Variants in RAPGEF1 observed in about 807,000 individuals in gnomAD.
RAPGEF1 encodes the protein Rap guanine nucleotide exchange factor 1.
RAPGEF1 carries 33 observed loss-of-function variants against 143.3 expected under a neutral mutation model. The ratio of observed to expected loss-of-function variants is 0.23; its 90% CI spans 0.17 to 0.31. RAPGEF1 has a LOEUF of 0.31. RAPGEF1 is among the 10% of genes least tolerant of loss of function. RAPGEF1 has a pLI of 1.00. For synonymous variants in RAPGEF1, 629 were observed against 676.5 expected (o/e 0.93, Z 1.09); for missense variants, 1,199 against 1,645.4 (o/e 0.73, Z 4.69).
In RAPGEF1 at chr9:131,587,830, T is replaced by C; in HGVS notation, c.3139A>G (p.Ile1047Val). ...LDAELFYKIEIPEVLLWAKEQ... is the reference protein window; with the variant it reads ...LDAELFYKIEVPEVLLWAKEQ... ...TTTGCCCAAAGCAAAACCTCAGGAA[T>C]CTACAAAAGGAAAGAAGGCAGATGG... Residue 1047 changes from isoleucine to valine, a missense_variant and splice_region_variant, in exon 22 of 27, where the codon ATT (isoleucine) becomes GTT (valine). By Grantham distance (29) the Ile-to-Val change is conservative (BLOSUM62 3). Around this residue, in one of 6 missense-constraint regions of RAPGEF1, gnomAD observed 209 missense variants for 403.0 expected, o/e 0.52. Coordinates refer to ENST00000683357, the MANE Select transcript of RAPGEF1 (RefSeq NM_001377935.1). 1 of 1,613,420 alleles carries C rather than the reference T, an allele frequency of 6.2e-7. No individual in the cohort carries two copies. Among genetic ancestry groups the C allele is most frequent in the South Asian group, 1.1e-5 (1 of 90,930 alleles).
In RAPGEF1 at chr9:131,709,817, C is replaced by T. The variant is rs1448515311; in HGVS notation, c.61+29953G>A. 2.1e-5 allele frequency: 31 copies of T among 1,473,296 alleles called. No individual in the cohort carries two copies. The Admixed American group carries it at 6.5e-4, about 31-fold the overall frequency. 91.3% of individuals were successfully genotyped at this position (1,473,296 alleles called of 1,614,324 possible). A position where few individuals can be genotyped will look rare whatever the true frequency, so the allele number is the denominator to read the frequency against. ...CACCCAGCGGCAGAACCCAGGCAGC[C>T]TCACAAGGGAAGCCTGAGGAATCTC... On this transcript the variant is annotated intron_variant, in intron 1 of 26. Transcript: ENST00000683357.
At chr9:131,607,471 CG>C (rs1397891595) in intron 12 of RAPGEF1, among the ~76,000 whole-genome samples, 1 of 152,124 alleles carries the variant, frequency 6.6e-6, no homozygotes, top group Non-Finnish European at 1.5e-5. Context: ...GGTTTTCCAT[CG>C]ATCTCTGGAG....
At chr9:131,660,500 G>A (rs887611522) in intron 1 of RAPGEF1, among the ~76,000 whole-genome samples, 1 of 151,052 alleles carries the variant, frequency 6.6e-6, no homozygotes, top group Non-Finnish European at 1.5e-5. Flanking sequence ...TGCAGTTAAT[G>A]GCTGCATGAT....
intron 5 of RAPGEF1, among the ~76,000 whole-genome samples, chr9:131,634,149 AGG>A (rs1965695145): frequency 6.6e-6 from 1 of 152,072 alleles, no homozygotes; most frequent in African/African-American, 2.4e-5. Context: ...GCTACTCCGG[AGG>A]CTGAGGCTGG....
intron 13 of RAPGEF1, 134 bp downstream of exon 13, chr9:131,604,797 G>A (rs1956831949): frequency 2.6e-6 from 3 of 1,170,128 alleles, no homozygotes; most frequent in Non-Finnish European, 2.2e-6. Context: ...GGTGTGCGCT[G>A]GCAGCCCCCA....
chr9:131,675,912 CT>C lies in RAPGEF1; in HGVS notation c.62-24964del, dbSNP rs140589180. Among the ~76,000 whole-genome samples, 2,152 of 144,110 alleles carry C rather than the reference CT, an allele frequency of 0.015. 19 individuals are homozygous for C. Among genetic ancestry groups the C allele is most frequent in the Non-Finnish European group, 0.017 (1,131 of 65,304 alleles). The allele number at this position is 144,110 out of a possible 152,430, so 94.5% of individuals were successfully genotyped here. A position where few individuals can be genotyped will look rare whatever the true frequency, so the allele number is the denominator to read the frequency against. On this transcript the variant is annotated intron_variant, in intron 1 of 26. Coordinates refer to ENST00000683357, the MANE Select transcript of RAPGEF1 (RefSeq NM_001377935.1). The surrounding 1 kb of genome is among the most constrained non-coding windows in gnomAD (Gnocchi z 4.6). ...CTGCTCAGTTTGACAAAAACTCAGT[CT>C]TTTTTTTTTTTTTAATCTCGCCCTG...
intron 1 of RAPGEF1, among the ~76,000 whole-genome samples, chr9:131,661,976 T>C: frequency 6.6e-6 from 1 of 152,356 alleles, no homozygotes; most frequent in East Asian, 1.9e-4. Context: ...ATAAATACAA[T>C]TGAATCTTAT....
At position 131,587,844 on chromosome 9, in the gene RAPGEF1, G is replaced by C. The variant is rs1953428876; in HGVS notation, c.3139-14C>G. ...AACCTCAGGAATCTACAAAAGGAAA[G>C]AAGGCAGATGGAGGTGGAGCCCCGG... On this transcript the variant is annotated splice_polypyrimidine_tract_variant and intron_variant, in intron 21 of 26. Transcript: ENST00000683357. The C allele has an allele frequency of 1.2e-6, 2 of 1,612,010 alleles. No individual in the cohort carries two copies. The highest frequency in any genetic ancestry group is 1.7e-6 in the Non-Finnish European group (2 of 1,178,886).
At chr9:131,666,445 G>A (rs1190829770) in intron 1 of RAPGEF1, among the ~76,000 whole-genome samples, 1 of 151,826 alleles carries the variant, frequency 6.6e-6, no homozygotes, top group African/African-American at 2.4e-5. Context: ...GGAGTGCAGT[G>A]GCAAGATCTC....
chr9:131,592,077 T>C, intron 18 of RAPGEF1, 22 bp downstream of exon 18: 3 of 1,577,262 alleles, frequency 1.9e-6, no homozygotes, highest in Non-Finnish European at 2.6e-6. Flanking sequence ...GCAGGGGCCC[T>C]GGGTCAGGAA....
chr9:131,634,901 C>T (rs773051140), intron 5 of RAPGEF1, among the ~76,000 whole-genome samples: 9 of 152,004 alleles, frequency 5.9e-5, no homozygotes, highest in Non-Finnish European at 1.0e-4. Flanking sequence ...TCGAGTGGCT[C>T]GGCCCCCCAG....
Position 131,703,141 on chromosome 9 carries a change from C to T in RAPGEF1, c.61+36629G>A, listed in dbSNP as rs1053730455. Among the ~76,000 whole-genome samples, 8 of 152,130 alleles carry T rather than the reference C, an allele frequency of 5.3e-5. No homozygotes were observed. The East Asian group carries it at 1.2e-3, about 22-fold the overall frequency. On this transcript the variant is annotated intron_variant, in intron 1 of 26. Transcript: ENST00000683357. ...TGAGTCATCACCATGCCACTGCATGCGTGCCACCACGCCCAGTTAATTTTA... is the reference window on the plus strand; with the variant it reads ...TGAGTCATCACCATGCCACTGCATGTGTGCCACCACGCCCAGTTAATTTTA...
Position 131,638,791 on chromosome 9 carries a change from G to A in RAPGEF1, c.495C>T (p.Ser165=). The A allele has an allele frequency of 1.2e-6, 2 of 1,613,716 alleles. No individual in the cohort carries two copies. The highest frequency in any genetic ancestry group is 1.7e-6 in the Non-Finnish European group (2 of 1,179,740). The part of the protein sequence containing the change: ...LVQNDPRIQH[S]SALSSCYSRV... ...GGCTATAGCAGGAAGAGAGGGCTGAGCTACAGGGAAGAGAAGAATGGAAAA... is the reference window on the plus strand; with the variant it reads ...GGCTATAGCAGGAAGAGAGGGCTGAACTACAGGGAAGAGAAGAATGGAAAA... Residue 165 remains serine, a splice_region_variant and synonymous_variant, in exon 5 of 27, where the codon AGC becomes AGT. Transcript: ENST00000683357.
At chr9:131,733,819 A>C (rs1837246909) in intron 1 of RAPGEF1, among the ~76,000 whole-genome samples, 1 of 152,144 alleles carries the variant, frequency 6.6e-6, no homozygotes, top group African/African-American at 2.4e-5. Context: ...AATCCGGGCT[A>C]CTTTGGGAGA....
In RAPGEF1 at chr9:131,592,158, G is replaced by A. The variant is rs1166105069; in HGVS notation, c.2715C>T (p.Phe905=). ...AGATGAAGGTCCTGTAGGTGGTCAG[G>A]AATGCCTCGCAGTACAACACCAAAT... ...RKDLVLYCEA[F]LTTYRTFISP... The change falls in exon 18 of 27, where the codon TTC becomes TTT. Residue 905 remains phenylalanine (F), a synonymous_variant. Transcript: ENST00000683357. 3 of 1,609,892 alleles carry A rather than the reference G, an allele frequency of 1.9e-6. No individual in the cohort carries two copies. In the African/African-American group the frequency reaches 4.1e-5, roughly 22 times the overall value.
At chr9:131,713,636 G>T (rs1835662658) in intron 1 of RAPGEF1, among the ~76,000 whole-genome samples, 1 of 152,040 alleles carries the variant, frequency 6.6e-6, no homozygotes, top group South Asian at 2.1e-4. Flanking sequence ...CTACTTCATG[G>T]GTAGTTTAAA....
intron 5 of RAPGEF1, among the ~76,000 whole-genome samples, chr9:131,632,370 G>A (rs1464278977): frequency 6.8e-6 from 1 of 147,530 alleles, no homozygotes; most frequent in Non-Finnish European, 1.5e-5. Flanking sequence ...CTCGTGATCC[G>A]CCCGCCTCGG....
chr9:131,608,188 A>C (rs1487880127), intron 12 of RAPGEF1, among the ~76,000 whole-genome samples: 1 of 152,232 alleles, frequency 6.6e-6, no homozygotes, highest in African/African-American at 2.4e-5. Context: ...CGCGAGACGC[A>C]GAGCGCTGCG....
At chr9:131,596,805 A>G (rs1362133484) in intron 16 of RAPGEF1, among the ~76,000 whole-genome samples, 4 of 152,160 alleles carry the variant, frequency 2.6e-5, no homozygotes, top group African/African-American at 9.7e-5. Flanking sequence ...ACTATTTCTA[A>G]GCATGTTCAT....
Sources: gnomAD v4.1 joint callset for allele counts (sites outside exome capture counted in the v4.1 genomes callset) on GRCh38, gnomAD v4.1.1 for gene constraint, gnomAD v4.1.1 regional missense constraint, Gnocchi (gnomAD v3.1) non-coding constraint, MANE v1.5 for transcripts, NCBI Gene and HGNC (gene_info 2026-07-23, HGNC 2026-07-21) for gene names.